COL4A2: variants seen among roughly 807,000 people sequenced by gnomAD.
COL4A2 encodes collagen alpha-2(IV) chain.
Under a neutral mutation model 200.2 loss-of-function variants are expected in COL4A2, and 99 were observed. The observed-to-expected ratio is 0.49, with a 90% CI of 0.42 to 0.58. COL4A2 has a LOEUF of 0.58. COL4A2 is among the 20% of genes least tolerant of loss of function. The probability of loss-of-function intolerance (pLI) is 0.00; values close to 1 mark genes in which losing one functional copy is unlikely to be tolerated. For synonymous variants in COL4A2, 897 were observed against 900.6 expected (o/e 1.00, Z 0.07); for missense variants, 1,950 against 2,314.1 (o/e 0.84, Z 3.23).
intron 4 of COL4A2, among the ~76,000 whole-genome samples, chr13:110,387,297 T>C (rs1878794374): frequency 6.6e-6 from 1 of 152,178 alleles, no homozygotes. Flanking sequence ...CCAGGTGCAT[T>C]AGCACAATCA....
At chr13:110,336,049 C>T (rs185598229) in intron 3 of COL4A2, among the ~76,000 whole-genome samples, 1 of 152,330 alleles carries the variant, frequency 6.6e-6, no homozygotes, top group East Asian at 1.9e-4. Flanking sequence ...CCAGAGCTGA[C>T]ATATGTGAAA....
chr13:110,344,230 T>C (rs994980300), intron 3 of COL4A2, among the ~76,000 whole-genome samples: 6 of 152,210 alleles, frequency 3.9e-5, no homozygotes, highest in Non-Finnish European at 7.3e-5. Flanking sequence ...ATTGATGGCC[T>C]CTTGAACAAG....
rs369621560 is a variant in COL4A2, at chr13:110,430,556, C to T, written c.597C>T (p.Gly199=). 61 of 1,614,090 alleles carry T rather than the reference C, an allele frequency of 3.8e-5. No individual in the cohort carries two copies. The highest frequency in any genetic ancestry group is 3.2e-4 in the African/African-American group (24 of 74,934). ...CTGCCTATCCATAGGGACCTCCCGG[C>T]CGCCCTGGGCATGTGGGACAGATGG... ...PGLVGFQGPP[G]RPGHVGQMGP... The change falls in exon 10 of 48, where the codon GGC becomes GGT. Residue 199 remains glycine, a synonymous_variant. Transcript: ENST00000360467.
intron 25 of COL4A2, 96 bp downstream of exon 25, chr13:110,465,702 A>G: frequency 1.7e-6 from 2 of 1,170,692 alleles, no homozygotes; most frequent in Non-Finnish European, 1.2e-6. Flanking sequence ...TCAGATGAGG[A>G]TGCTGTTTTG....
At chr13:110,412,720 C>T (rs914264032) in intron 4 of COL4A2, among the ~76,000 whole-genome samples, 4 of 152,204 alleles carry the variant, frequency 2.6e-5, no homozygotes, top group African/African-American at 7.2e-5. Context: ...CCTCAAAACA[C>T]TTGGTTCAAA....
intron 3 of COL4A2, among the ~76,000 whole-genome samples, chr13:110,334,788 A>G (rs1876097680): frequency 6.6e-6 from 1 of 152,234 alleles, no homozygotes; most frequent in South Asian, 2.1e-4. Context: ...TAATGTGAAG[A>G]CAAAGTAAAG....
chr13:110,433,774 A>G (rs1285389830), intron 11 of COL4A2, among the ~76,000 whole-genome samples: 1 of 152,234 alleles, frequency 6.6e-6, no homozygotes, highest in African/African-American at 2.4e-5. Context: ...CACGAATCTT[A>G]GAGGTCAGCG....
At position 110,373,599 on chromosome 13, in the gene COL4A2, C is replaced by T. The variant is rs931522955; in HGVS notation, c.180+16047C>T. ...GGCTTATTCACACTCAGGGGTGTCT[C>T]CTGTGTTGAATAAAGTGGCCTCCAG... On this transcript the variant is annotated intron_variant, in intron 4 of 47. Coordinates refer to ENST00000360467, the MANE Select transcript of COL4A2 (RefSeq NM_001846.4). Among the ~76,000 whole-genome samples the T allele has an allele frequency of 5.3e-5, 8 of 152,198 alleles. No homozygotes were observed. The East Asian group carries it at 9.6e-4, about 18-fold the overall frequency.
chr13:110,359,262 T>A (rs965845024), intron 4 of COL4A2, among the ~76,000 whole-genome samples: 1 of 152,244 alleles, frequency 6.6e-6, no homozygotes, highest in Non-Finnish European at 1.5e-5. Flanking sequence ...TCAAAGTGAT[T>A]GATCTCTGAT....
At chr13:110,492,865 C>T (rs1047557540) in intron 38 of COL4A2, among the ~76,000 whole-genome samples, 5 of 152,148 alleles carry the variant, frequency 3.3e-5, no homozygotes, top group Admixed American at 3.3e-4. Flanking sequence ...GTTTACATGT[C>T]GTGTAAGTTG....
intron 6 of COL4A2, among the ~76,000 whole-genome samples, chr13:110,425,534 C>G (rs761176204): frequency 2.6e-5 from 4 of 152,186 alleles, no homozygotes; most frequent in Non-Finnish European, 4.4e-5. Flanking sequence ...AACAAAACAG[C>G]CTGACTCACA....
chr13:110,448,029 G>A (rs1437121546), intron 18 of COL4A2, among the ~76,000 whole-genome samples: 2 of 152,200 alleles, frequency 1.3e-5, no homozygotes, highest in Admixed American at 6.5e-5. Context: ...GAGGCGTGGA[G>A]CCGTGAATGG....
chr13:110,398,350 A>G (rs1282722067), intron 4 of COL4A2, among the ~76,000 whole-genome samples: 1 of 152,194 alleles, frequency 6.6e-6, no homozygotes, highest in East Asian at 1.9e-4. Context: ...GTGTATAGCC[A>G]TCACTTCCTT....
At chr13:110,374,691 G>C (rs899992564) in intron 4 of COL4A2, among the ~76,000 whole-genome samples, 3 of 152,074 alleles carry the variant, frequency 2.0e-5, no homozygotes, top group African/African-American at 7.2e-5. Flanking sequence ...TCCAAATATA[G>C]CAAATGCTTT....
intron 27 of COL4A2, among the ~76,000 whole-genome samples, chr13:110,467,661 G>C (rs1021540640): frequency 6.6e-6 from 1 of 152,208 alleles, no homozygotes; most frequent in African/African-American, 2.4e-5. Flanking sequence ...AGTGTTGGCG[G>C]TGCAGGCCTG....
chr13:110,494,545 A>T (rs1048622768), intron 39 of COL4A2, among the ~76,000 whole-genome samples: 1 of 150,176 alleles, frequency 6.7e-6, no homozygotes, highest in Non-Finnish European at 1.5e-5. Flanking sequence ...TATACAAATT[A>T]TTTATGTTCA....
intron 28 of COL4A2, 95 bp from the exon 29 acceptor site, chr13:110,472,834 C>T: frequency 8.2e-7 from 1 of 1,217,922 alleles, no homozygotes; most frequent in Non-Finnish European, 1.2e-6. Context: ...GACCCCATAG[C>T]CAAATTTTTG....
intron 46 of COL4A2, among the ~76,000 whole-genome samples, chr13:110,506,972 G>A (rs1001288617): frequency 1.3e-5 from 2 of 152,196 alleles, no homozygotes; most frequent in African/African-American, 4.8e-5. Context: ...GGGCCATGAG[G>A]GGCTGGGGTT....
At chr13:110,371,112 C>T (rs970302719) in intron 4 of COL4A2, among the ~76,000 whole-genome samples, 3 of 152,160 alleles carry the variant, frequency 2.0e-5, no homozygotes, top group Non-Finnish European at 2.9e-5. Flanking sequence ...CGGTTGATCA[C>T]AAAGATGAAT....
Sources: allele counts gnomAD v4.1 joint callset (sites outside exome capture counted in the v4.1 genomes callset), GRCh38; gene constraint gnomAD v4.1.1; transcripts MANE v1.5; gene names NCBI Gene and HGNC (gene_info 2026-07-23, HGNC 2026-07-21).